Variants in CSAD observed in about 807,000 individuals in gnomAD.
The protein encoded by CSAD is P-selectin cytoplasmic tail-associated protein.
A neutral mutation model predicts 61.5 loss-of-function variants in CSAD; 47 were observed. The observed-to-expected ratio is 0.76, with a 90% confidence interval of 0.60 to 0.97. The LOEUF is 0.97. Ranked by LOEUF, CSAD falls within the 50% of genes least tolerant of loss-of-function variation. The probability of loss-of-function intolerance (pLI) is 0.00; values close to 1 mark genes in which losing one functional copy is unlikely to be tolerated. For synonymous variants in CSAD, 245 were observed against 252.7 expected, an observed-to-expected ratio of 0.97 and a Z score of 0.29; for missense variants, 611 against 643.6, an observed-to-expected ratio of 0.95 and a Z score of 0.55.
In CSAD at chr12:53,171,381, C is replaced by G; in HGVS notation, c.512G>C (p.Cys171Ser). 1 of 1,614,038 alleles carries G rather than the reference C, an allele frequency of 6.2e-7. No homozygotes were observed. Among genetic ancestry groups the G allele is most frequent in the South Asian group, 1.1e-5 (1 of 91,082 alleles). The part of the protein sequence containing the change: ...NLARYQRYPD[C>S]KQRGLRTLPP... ...CAGTGTGCGGAGGCCCCTCTGCTTGCAATCCGGGTAGCGCTGATAGCGGGC... is the reference window on the plus strand; with the variant it reads ...CAGTGTGCGGAGGCCCCTCTGCTTGGAATCCGGGTAGCGCTGATAGCGGGC... The change falls in exon 8 of 17, where the codon TGC becomes TCC. Residue 171 changes from cysteine (C) to serine (S), a missense_variant. Cys to Ser is a moderately radical substitution (Grantham distance 112, BLOSUM62 -1). Coordinates refer to ENST00000444623, the MANE Select transcript of CSAD (RefSeq NM_001244705.2).
chr12:53,166,461 A>G (rs920326475), intron 10 of CSAD: 38 of 155,974 alleles, frequency 2.4e-4, no homozygotes, highest in African/African-American at 8.9e-4. Flanking sequence ...AGAGGGGGTA[A>G]TGAGTTGTTG....
intron 1 of CSAD, 60 bp downstream of exon 1, chr12:53,180,672 C>A: frequency 1.6e-6 from 2 of 1,278,404 alleles, no homozygotes; most frequent in African/African-American, 3.1e-5. Flanking sequence ...GCGGAGAGGA[C>A]GAGGGGGAGG....
chr12:53,181,194 C>T, upstream of CSAD: 7 of 985,462 alleles, frequency 7.1e-6, no homozygotes, highest in Non-Finnish European at 8.4e-6. Context: ...CTTCGCCTGC[C>T]TGTCCTCCAC....
chr12:53,179,822 G>A (rs750913907), intron 1 of CSAD: 8 of 1,613,618 alleles, frequency 5.0e-6, no homozygotes, highest in Non-Finnish European at 5.1e-6. Flanking sequence ...CTTCCATCAA[G>A]CGCATTTGCA....
chr12:53,161,693 C>T (rs1035475645), intron 10 of CSAD, among the ~76,000 whole-genome samples: 7 of 152,178 alleles, frequency 4.6e-5, no homozygotes, highest in African/African-American at 1.7e-4. Flanking sequence ...GGCATAGTGG[C>T]TCACACCTAT....
chr12:53,176,577 G>C (rs769797321), intron 2 of CSAD, among the ~76,000 whole-genome samples: 2 of 151,686 alleles, frequency 1.3e-5, no homozygotes, highest in Non-Finnish European at 2.9e-5. Context: ...AAATTAGCCC[G>C]GCATGGTGGT....
intron 4 of CSAD, among the ~76,000 whole-genome samples, 153 bp from the exon 5 acceptor site, chr12:53,172,801 A>G (rs1438833235): frequency 6.6e-6 from 1 of 152,242 alleles, no homozygotes; most frequent in Non-Finnish European, 1.5e-5. Flanking sequence ...AAGAGTAGTG[A>G]ACACAGTAAG....
At chr12:53,160,055 A>G (rs1241688434) in intron 14 of CSAD, 65 bp downstream of exon 14, 13 of 1,604,408 alleles carry the variant, frequency 8.1e-6, no homozygotes, top group Non-Finnish European at 1.1e-5. Context: ...CGGGAGCAGG[A>G]AAGAGGGAGG....
rs113238124 is a variant in CSAD at position 53,158,415 on chromosome 12, C to T, written c.*96G>A. ...CCTCCCAAAGTGCTGGGATTACAGG[C>T]GTGAGCCACTGCACCCGGCCTCAAA... On this transcript the variant is annotated 3_prime_UTR_variant, in exon 17 of 17. Transcript: ENST00000444623. The T allele has an allele frequency of 1.1e-3, 1,451 of 1,318,582 alleles. 19 individuals carry two copies. In the African/African-American group the frequency reaches 0.019, roughly 18 times the overall value. 81.7% of individuals were successfully genotyped at this position (1,318,582 alleles called of 1,614,324 possible).
intron 5 of CSAD, 23 bp downstream of exon 5, chr12:53,172,499 T>C: frequency 6.2e-7 from 1 of 1,614,014 alleles, no homozygotes; most frequent in Non-Finnish European, 8.5e-7. Flanking sequence ...CCAAGTCTCC[T>C]CCTCACAGAA....
intron 6 of CSAD, 70 bp downstream of exon 6, chr12:53,172,276 T>C (rs987256844): frequency 4.4e-6 from 6 of 1,354,700 alleles, no homozygotes; most frequent in Non-Finnish European, 6.4e-6. Flanking sequence ...TCTCCTCCCC[T>C]ACCCCTCAGG....
At chr12:53,159,779 C>T in intron 15 of CSAD, 67 bp from the exon 16 acceptor site, 1 of 1,525,952 alleles carries the variant, frequency 6.6e-7, no homozygotes, top group Non-Finnish European at 8.9e-7. Context: ...CTCCCTGCCC[C>T]TTTCCCCTCT....
chr12:53,173,991 G>T lies in CSAD; in HGVS notation c.-49-221C>A, dbSNP rs997757090. On this transcript the variant is annotated intron_variant, in intron 2 of 16. Coordinates refer to ENST00000444623, the MANE Select transcript of CSAD (RefSeq NM_001244705.2). The stretch of plus-strand genomic sequence containing the variant: ...TACTTTGTTTCTGTAGATTTGTCTA[G>T]TCTGGCCATTTCATGTAAAACGGGT... 13 of 559,520 alleles carry T rather than the reference G, an allele frequency of 2.3e-5. No homozygotes were observed. The South Asian group carries it at 2.6e-4, about 11-fold the overall frequency. 34.7% of individuals were successfully genotyped at this position (559,520 alleles called of 1,614,324 possible). A position where few individuals can be genotyped will look rare whatever the true frequency, so the allele number is the denominator to read the frequency against.
At chr12:53,172,790 C>G (rs1008729391) in intron 4 of CSAD, 142 bp from the exon 5 acceptor site, 2 of 975,382 alleles carry the variant, frequency 2.1e-6, no homozygotes, top group Admixed American at 5.6e-5. Context: ...TGAAAATGAA[C>G]AAGAGTAGTG....
intron 1 of CSAD, chr12:53,180,022 AG>A (rs1298302871): frequency 4.9e-6 from 7 of 1,433,694 alleles, no homozygotes; most frequent in Middle Eastern, 1.9e-4. Flanking sequence ...CCTGGAGTAA[AG>A]GGCGAAGGGG....
At position 53,180,816 on chromosome 12, in the gene CSAD, A is replaced by C; in HGVS notation, c.-175T>G. The C allele has an allele frequency of 7.9e-7, 1 of 1,271,506 alleles. No individual in the cohort carries two copies. The highest frequency in any genetic ancestry group is 1.0e-6 in the Non-Finnish European group (1 of 982,110). The allele number at this position is 1,271,506 out of a possible 1,614,324, so 78.8% of individuals were successfully genotyped here. On this transcript the variant is annotated 5_prime_UTR_variant, in exon 1 of 17. Coordinates refer to ENST00000444623, the MANE Select transcript of CSAD (RefSeq NM_001244705.2). Reference sequence around the variant, plus strand: ...GGAGGCGCCGCGCGGCCAGGGAGCCAGCGGGAGGCCGCGCCTGGCAGGTAG... The same window carrying C: ...GGAGGCGCCGCGCGGCCAGGGAGCCCGCGGGAGGCCGCGCCTGGCAGGTAG...
chr12:53,170,551 G>C, intron 8 of CSAD, 49 bp from the exon 9 acceptor site: 1 of 1,449,806 alleles, frequency 6.9e-7, no homozygotes, highest in Middle Eastern at 1.7e-4. Flanking sequence ...TGGGGGAGGG[G>C]AGAGAAGGTA....
rs558241156 is a variant in CSAD at position 53,176,797 on chromosome 12, A to G, written c.-50+2305T>C. Among the ~76,000 whole-genome samples the G allele has an allele frequency of 1.1e-4, 17 of 152,276 alleles. No individual in the cohort carries two copies. In the South Asian group the frequency reaches 1.9e-3, roughly 17 times the overall value. On this transcript the variant is annotated intron_variant, in intron 2 of 16. Coordinates refer to ENST00000444623, the MANE Select transcript of CSAD (RefSeq NM_001244705.2). ...ACCCAGGCTGAAGTGCAGTAGCACAATCATGTCTTACTGCAGCTTCGAACT... is the reference window on the plus strand; with the variant it reads ...ACCCAGGCTGAAGTGCAGTAGCACAGTCATGTCTTACTGCAGCTTCGAACT...
chr12:53,180,222 A>G (rs1407296135), intron 1 of CSAD: 1 of 985,222 alleles, frequency 1.0e-6, no homozygotes, highest in African/African-American at 1.7e-5. Context: ...TGACCCCAAA[A>G]TCTGCTAATC....
Sources: allele counts gnomAD v4.1 joint callset (sites outside exome capture counted in the v4.1 genomes callset), GRCh38; gene constraint gnomAD v4.1.1; transcripts MANE v1.5; gene names NCBI Gene and HGNC (gene_info 2026-07-23, HGNC 2026-07-21).